The following HCRTR2 variants were observed in gnomAD, a reference collection of about 807,000 sequenced individuals.
The protein encoded by HCRTR2 is hypocretin receptor 2, also known as orexin receptor type 2.
In HCRTR2, 22 loss-of-function variants were observed where a neutral mutation model predicts 49.0. The observed-to-expected ratio is 0.45, with a 90% CI of 0.32 to 0.64. HCRTR2 has a LOEUF of 0.64. HCRTR2 is among the 30% of genes least tolerant of loss of function. HCRTR2 has a pLI of 0.04. For synonymous variants in HCRTR2, 236 were observed against 205.3 expected, an observed-to-expected ratio of 1.15 and a Z score of -1.28; for missense variants, 491 against 559.4, an observed-to-expected ratio of 0.88 and a Z score of 1.23.
intron 1 of HCRTR2, among the ~76,000 whole-genome samples, chr6:55,128,661 A>G (rs1764313823): frequency 6.6e-6 from 1 of 152,084 alleles, no homozygotes; most frequent in African/African-American, 2.4e-5. Flanking sequence ...ATTCCTAAAT[A>G]TTTTATTTTT....
chr6:55,208,595 G>C (rs753242092), intron 1 of HCRTR2, among the ~76,000 whole-genome samples: 20 of 151,966 alleles, frequency 1.3e-4, no homozygotes, highest in Non-Finnish European at 2.6e-4. Context: ...GAAATGAGAG[G>C]GTTTATACAA....
intron 1 of HCRTR2, among the ~76,000 whole-genome samples, chr6:55,245,950 T>C (rs139389058): frequency 6.6e-6 from 1 of 152,078 alleles, no homozygotes; most frequent in Non-Finnish European, 1.5e-5. Context: ...AAAGTCATAT[T>C]GCAGTAGGGT....
In HCRTR2 at chr6:55,263,745, C is replaced by T; in HGVS notation, c.685C>T (p.Leu229=). Residue 229 remains leucine (L), a synonymous_variant, in exon 4 of 7, where the codon CTG becomes TTG. Coordinates refer to ENST00000370862, the MANE Select transcript of HCRTR2 (RefSeq NM_001384272.1). ...CAAGATGTACCACATCTGTTTCTTT[C>T]TGGTGACATACATGGCACCACTGTG... is the stretch of plus-strand genomic sequence containing the variant. The part of the protein sequence containing the change: ...YPKMYHICFF[L]VTYMAPLCLM... The T allele has an allele frequency of 6.2e-7, 1 of 1,612,166 alleles. No individual in the cohort carries two copies. The highest frequency in any genetic ancestry group is 8.5e-7 in the Non-Finnish European group (1 of 1,178,666).
intron 1 of HCRTR2, among the ~76,000 whole-genome samples, chr6:55,211,715 G>A (rs1004525946): frequency 5.9e-5 from 9 of 152,136 alleles, no homozygotes; most frequent in Non-Finnish European, 1.2e-4. Flanking sequence ...TGACCTTTAA[G>A]CCTTTGCACA....
chr6:55,147,216 A>T (rs529641693), intron 1 of HCRTR2, among the ~76,000 whole-genome samples: 73 of 152,232 alleles, frequency 4.8e-4, no homozygotes, highest in Non-Finnish European at 9.4e-4. Flanking sequence ...TTTGTAAATT[A>T]TTTGTGAATT....
intron 1 of HCRTR2, among the ~76,000 whole-genome samples, chr6:55,162,814 A>G (rs9475186): frequency 1 from 152,279 of 152,318 alleles, 76,120 homozygotes; most frequent in Middle Eastern, 1. Context: ...AAGGAAATAA[A>G]AGAGGATACA....
intron 1 of HCRTR2, among the ~76,000 whole-genome samples, chr6:55,199,634 T>C (rs1460549593): frequency 3.9e-5 from 6 of 152,190 alleles, no homozygotes; most frequent in Admixed American, 6.5e-5. Flanking sequence ...TATGCATTTA[T>C]CTCTAAATGT....
chr6:55,116,726 A>AAAAAC, intron 1 of HCRTR2, among the ~76,000 whole-genome samples: 1 of 151,088 alleles, frequency 6.6e-6, no homozygotes, highest in Middle Eastern at 3.4e-3. Context: ...AAAAAAAAAA[A>AAAAAC]AACTCTTATT....
intron 3 of HCRTR2, among the ~76,000 whole-genome samples, chr6:55,260,300 C>T (rs558852648): frequency 1.1e-4 from 16 of 152,256 alleles, no homozygotes; most frequent in African/African-American, 3.6e-4. Flanking sequence ...CATGTGACAC[C>T]TCTTCAAAAC....
chr6:55,282,743 C>A (rs1767222306), downstream of HCRTR2: 1 of 367,546 alleles, frequency 2.7e-6, no homozygotes, highest in Non-Finnish European at 4.9e-6. Context: ...ATTTCTAATT[C>A]TTTTTATAAT....
intron 2 of HCRTR2, 81 bp downstream of exon 2, chr6:55,248,898 T>A: frequency 1.7e-6 from 2 of 1,152,234 alleles, no homozygotes; most frequent in South Asian, 1.2e-5. Flanking sequence ...AATTAACTAG[T>A]GAGTTGAGAA....
At chr6:55,199,464 T>A (rs1280153621) in intron 1 of HCRTR2, among the ~76,000 whole-genome samples, 2 of 152,110 alleles carry the variant, frequency 1.3e-5, no homozygotes, top group Non-Finnish European at 1.5e-5. Context: ...TTCTAATTCA[T>A]TAATATGAAT....
intron 1 of HCRTR2, among the ~76,000 whole-genome samples, chr6:55,126,210 A>C (rs771248896): frequency 6.6e-6 from 1 of 152,056 alleles, no homozygotes; most frequent in South Asian, 2.1e-4. Context: ...TGGTTTTTGG[A>C]ATTTTCAGCC....
At chr6:55,256,813 G>T (rs1221160733) in intron 3 of HCRTR2, among the ~76,000 whole-genome samples, 1 of 152,046 alleles carries the variant, frequency 6.6e-6, no homozygotes, top group Non-Finnish European at 1.5e-5. Flanking sequence ...CAGGCATTGT[G>T]CCCACCTGGA....
intron 1 of HCRTR2, among the ~76,000 whole-genome samples, chr6:55,179,875 C>G (rs1765101890): frequency 6.6e-6 from 1 of 152,160 alleles, no homozygotes; most frequent in Non-Finnish European, 1.5e-5. Context: ...TATTCTCACT[C>G]CGCTCCGAAA....
intron 2 of HCRTR2, among the ~76,000 whole-genome samples, chr6:55,252,228 T>C (rs549625200): frequency 6.2e-4 from 95 of 152,222 alleles, no homozygotes; most frequent in Admixed American, 1.6e-3. Context: ...CTCCCTTTTC[T>C]GTGTGATGAA....
At position 55,126,651 on chromosome 6, in the gene HCRTR2, C is replaced by T. The variant is rs374579755; in HGVS notation, c.-378+20106C>T. ...GGGTGGTCCACTGCTCTCTTCAGAG[C>T]GGTCAGGCAGGGATATTTAAGTCTG... On this transcript the variant is annotated intron_variant, in intron 1 of 7. Coordinates refer to the HCRTR2 transcript ENST00000615358. Among the ~76,000 whole-genome samples the T allele has an allele frequency of 1.5e-3, 226 of 152,232 alleles. 3 individuals carry two copies. In the South Asian group the frequency reaches 0.02, roughly 13 times the overall value.
intron 4 of HCRTR2, among the ~76,000 whole-genome samples, chr6:55,266,907 T>A (rs765566066): frequency 6.6e-6 from 1 of 152,162 alleles, no homozygotes; most frequent in Non-Finnish European, 1.5e-5. Context: ...ATAAATTGCA[T>A]CACAGATTCA....
At chr6:55,146,579 T>TTA (rs1764583091) in intron 1 of HCRTR2, among the ~76,000 whole-genome samples, 1 of 142,324 alleles carries the variant, frequency 7.0e-6, no homozygotes, top group Non-Finnish European at 1.5e-5. Flanking sequence ...AAAGGTTAGT[T>TTA]AAAAAAAAAA....
Sources: allele counts gnomAD v4.1 joint callset (sites outside exome capture counted in the v4.1 genomes callset), GRCh38; gene constraint gnomAD v4.1.1; transcripts MANE v1.5; gene names NCBI Gene and HGNC (gene_info 2026-07-23, HGNC 2026-07-21).